ACOT9: variants seen among roughly 807,000 people sequenced by gnomAD.
The protein encoded by ACOT9 is acyl-CoA thioesterase 9.
Under a neutral mutation model 39.7 loss-of-function variants are expected in ACOT9, and 34 were observed. The ratio of observed to expected loss-of-function variants is 0.86; its 90% confidence interval spans 0.65 to 1.14. The LOEUF (loss-of-function observed/expected upper bound fraction) is 1.14. Among genes scored for constraint, ACOT9 ranks in the 50% most tolerant of loss-of-function variants. ACOT9 has a pLI of 0.00. For synonymous variants in ACOT9, 110 were observed against 120.5 expected (o/e 0.91, Z 0.57); for missense variants, 313 against 344.1 (o/e 0.91, Z 0.71).
chrX:23,738,339 T>C (rs1350709535), intron 1 of ACOT9, among the ~76,000 whole-genome samples: 2 of 109,315 alleles, frequency 1.8e-5, no homozygotes, highest in Non-Finnish European at 3.8e-5. Context: ...CCAGGCATGG[T>C]GGCTCATGCC....
chrX:23,732,704 C>T (rs112323879), intron 4 of ACOT9, among the ~76,000 whole-genome samples: 22,279 of 109,877 alleles, frequency 0.2, 2,004 homozygotes, highest in East Asian at 0.4. Flanking sequence ...GGAAATACTG[C>T]GAGAAAGAGA....
intron 8 of ACOT9, among the ~76,000 whole-genome samples, chrX:23,720,145 A>G (rs1267437112): frequency 8.8e-6 from 1 of 113,054 alleles, no homozygotes; most frequent in African/African-American, 3.2e-5. Flanking sequence ...TCATTCTTAA[A>G]TAAGTTTTCC....
intron 4 of ACOT9, among the ~76,000 whole-genome samples, chrX:23,732,408 G>A (rs1373546410): frequency 2.7e-5 from 3 of 111,922 alleles, no homozygotes. Flanking sequence ...AAGTGTCATG[G>A]TGTCTATAAT....
intron 8 of ACOT9, among the ~76,000 whole-genome samples, chrX:23,717,506 G>C (rs1471414679): frequency 9.0e-6 from 1 of 111,418 alleles, no homozygotes; most frequent in East Asian, 2.8e-4. Flanking sequence ...TAAAACACAG[G>C]GCCAAAAGGA....
chrX:23,704,581 G>A, intron 15 of ACOT9, 113 bp downstream of exon 15: 1 of 908,977 alleles, frequency 1.1e-6, no homozygotes, highest in Non-Finnish European at 1.5e-6. Flanking sequence ...AAAATCTCCT[G>A]AAGACATGCT....
chrX:23,723,484 T>C (rs756547798), intron 6 of ACOT9, among the ~76,000 whole-genome samples: 124 of 105,746 alleles, frequency 1.2e-3, no homozygotes, highest in African/African-American at 4.2e-3. Context: ...CGTGGTGGCG[T>C]CCCAGTTACT....
At chrX:23,726,640 G>GTTATAAGGAAAGAGGATTTTTTACTTA (rs2146842968) in intron 6 of ACOT9, among the ~76,000 whole-genome samples, 1 of 104,625 alleles carries the variant, frequency 9.6e-6, no homozygotes, top group Non-Finnish European at 1.9e-5. Context: ...AGTGTGAGGT[G>GTTATAAGGAAAGAGGATTTTTTACTTA]TTATAAGGAA....
chrX:23,737,887 T>TTTA (rs750180443), intron 1 of ACOT9, among the ~76,000 whole-genome samples: 34,341 of 103,664 alleles, frequency 0.33, 5,755 homozygotes, highest in African/African-American at 0.6. Flanking sequence ...TTTTTTTTTT[T>TTTA]AGACAGAGTC....
rs1929936246 is a variant in ACOT9, at chrX:23,735,912, T to G, written c.118+7A>C. On this transcript the variant is annotated splice_region_variant and intron_variant, in intron 2 of 15. Transcript: ENST00000379303. ...ACATAGGCATCAAACAGAGACACCATGCTTGCCTTCATGAATGTGGAAGAT... is the reference window on the plus strand; with the variant it reads ...ACATAGGCATCAAACAGAGACACCAGGCTTGCCTTCATGAATGTGGAAGAT... 8.3e-7 allele frequency: 1 copy of G among 1,206,862 alleles called. No individual in the cohort carries two copies. Among genetic ancestry groups the G allele is most frequent in the Admixed American group, 2.2e-5 (1 of 45,636 alleles).
intron 4 of ACOT9, 57 bp from the exon 5 acceptor site, chrX:23,731,043 A>G: frequency 5.9e-6 from 6 of 1,020,243 alleles, no homozygotes; most frequent in Non-Finnish European, 8.1e-6. Context: ...CCACAATTCC[A>G]GTGGTACACA....
rs760648597 is a variant in ACOT9 at position 23,742,209 on chromosome X, T to TGAGA, written c.20+915_20+916insTCTC. Among the ~76,000 whole-genome samples the TGAGA allele has an allele frequency of 7.7e-3, 431 of 56,259 alleles. 13 individuals carry two copies. Among genetic ancestry groups the TGAGA allele is most frequent in the East Asian group, 0.067 (131 of 1,953 alleles). 48.9% of individuals were successfully genotyped at this position (56,259 alleles called of 115,157 possible). ...TAACAAAGTCCCCAGGAACAGTGAG[T>TGAGA]GAGTGAGAGAGAGAGAGAGAGAGAG... On this transcript the variant is annotated intron_variant, in intron 1 of 15. Coordinates refer to ENST00000379303, the MANE Select transcript of ACOT9 (RefSeq NM_001037171.2).
intron 6 of ACOT9, among the ~76,000 whole-genome samples, chrX:23,723,051 G>A (rs1164940768): frequency 9.0e-6 from 1 of 111,620 alleles, no homozygotes; most frequent in Non-Finnish European, 1.9e-5. Context: ...GCCCAAATCA[G>A]AGTAAGAACT....
In ACOT9 at chrX:23,722,752, A is replaced by T; in HGVS notation, c.402T>A (p.Val134=). 3 of 1,172,387 alleles carry T rather than the reference A, an allele frequency of 2.6e-6. No homozygotes were observed. The highest frequency in any genetic ancestry group is 3.5e-6 in the Non-Finnish European group (3 of 866,139). The part of the protein sequence containing the change: ...RILEDLDSLG[V]LICYMHNKIH... Reference sequence around the variant, plus strand: ...TTTTGTTGTGCATGTAACAAATAAGAACTGCAGGGAAACAGGAGTGTACCA... The same window carrying T: ...TTTTGTTGTGCATGTAACAAATAAGTACTGCAGGGAAACAGGAGTGTACCA... The change falls in exon 7 of 16, where the codon GTT becomes GTA. Residue 134 remains valine (V), a splice_region_variant and synonymous_variant. Coordinates refer to ENST00000379303, the MANE Select transcript of ACOT9 (RefSeq NM_001037171.2).
At chrX:23,736,601 T>A (rs1373221942) in intron 1 of ACOT9, among the ~76,000 whole-genome samples, 1 of 111,271 alleles carries the variant, frequency 9.0e-6, no homozygotes, top group African/African-American at 3.3e-5. Flanking sequence ...GGTAGACAGG[T>A]TGAGCCCAGG....
At position 23,705,760 on chromosome X, in the gene ACOT9, T is replaced by G. The variant is rs967385805; in HGVS notation, c.933+8A>C. 5.8e-6 allele frequency: 7 copies of G among 1,197,312 alleles called. No homozygotes were observed. In the Admixed American group the frequency reaches 6.6e-5, roughly 11 times the overall value. Reference sequence around the variant, plus strand: ...ATCCTATTCGGATTTCTCACTAAATTATAATACCTGAGGGTGGCAAATTTC... The same window carrying G: ...ATCCTATTCGGATTTCTCACTAAATGATAATACCTGAGGGTGGCAAATTTC... On this transcript the variant is annotated splice_region_variant and intron_variant, in intron 12 of 15. Transcript: ENST00000379303.
intron 5 of ACOT9, 101 bp downstream of exon 5, chrX:23,730,715 T>C: frequency 3.0e-6 from 3 of 986,182 alleles, no homozygotes; most frequent in Non-Finnish European, 2.8e-6. Flanking sequence ...CATGGAACTG[T>C]ACACTTTAAA....
chrX:23,733,307 T>C, intron 3 of ACOT9, 90 bp from the exon 4 acceptor site: 1 of 765,717 alleles, frequency 1.3e-6, no homozygotes, highest in African/African-American at 2.1e-5. Context: ...AAAAAGCAAT[T>C]CATGCACTCA....
At chrX:23,721,082 T>C (rs1204618425) in intron 8 of ACOT9, among the ~76,000 whole-genome samples, 2 of 110,474 alleles carry the variant, frequency 1.8e-5, no homozygotes, top group African/African-American at 6.6e-5. Context: ...CATTTCTCTA[T>C]TTTTATTTAT....
intron 1 of ACOT9, among the ~76,000 whole-genome samples, chrX:23,737,218 C>T (rs1195980223): frequency 9.0e-6 from 1 of 110,807 alleles, no homozygotes; most frequent in Non-Finnish European, 1.9e-5. Flanking sequence ...GAGGCTGAGG[C>T]AGGAGAATCG....
Sources: gnomAD v4.1 joint callset for allele counts (sites outside exome capture counted in the v4.1 genomes callset) on GRCh38, gnomAD v4.1.1 for gene constraint, MANE v1.5 for transcripts, NCBI Gene and HGNC (gene_info 2026-07-23, HGNC 2026-07-21) for gene names.